The following LRRC53 variants were observed in gnomAD, a reference collection of about 807,000 sequenced individuals.
LRRC53 encodes leucine rich repeat containing 53, also known as leucine-rich repeat-containing protein 53.
In LRRC53, 25 loss-of-function variants were observed where a neutral mutation model predicts 13.6. The ratio of observed to expected loss-of-function variants is 1.83; its 90% confidence interval spans 1.34 to 2.56. LRRC53 has a LOEUF of 2.56. Among genes scored for constraint, LRRC53 ranks in the 30% most tolerant of loss-of-function variants. LRRC53 has a pLI of 0.00. For synonymous variants in LRRC53, 204 were observed against 109.8 expected (o/e 1.86, Z -5.37); for missense variants, 527 against 275.8 (o/e 1.91, Z -6.45).
At chr1:74,524,085 G>T in the LRRC53 span, among the ~76,000 whole-genome samples, 2 of 152,238 alleles carry the variant, frequency 1.3e-5, no homozygotes, top group Non-Finnish European at 1.5e-5. Context: ...CATTTGTCAA[G>T]AGCCTAACTG....
intron 1 of LRRC53, among the ~76,000 whole-genome samples, chr1:74,505,624 C>T (rs181600160): frequency 5.3e-5 from 8 of 152,132 alleles, no homozygotes; most frequent in African/African-American, 1.9e-4. Flanking sequence ...GCAAAAATGG[C>T]ATCGTTCTTC....
At chr1:74,474,873 C>A (rs778973033) in intron 4 of LRRC53, among the ~76,000 whole-genome samples, 7 of 152,008 alleles carry the variant, frequency 4.6e-5, no homozygotes, top group Non-Finnish European at 8.8e-5. Flanking sequence ...AGGGCCCATT[C>A]TTCTAACATG....
chr1:74,518,127 C>G, the LRRC53 span, among the ~76,000 whole-genome samples: 1 of 151,978 alleles, frequency 6.6e-6, no homozygotes, highest in African/African-American at 2.4e-5. Flanking sequence ...CCAGGTAAGT[C>G]AAGAAGAAGC....
chr1:74,518,781 A>G, the LRRC53 span, among the ~76,000 whole-genome samples: 4 of 151,914 alleles, frequency 2.6e-5, no homozygotes, highest in Non-Finnish European at 4.4e-5. Flanking sequence ...TTAAAACAAC[A>G]TTTACAAATA....
intron 3 of LRRC53, among the ~76,000 whole-genome samples, chr1:74,479,113 G>A (rs570894584): frequency 1.3e-5 from 2 of 152,188 alleles, no homozygotes; most frequent in East Asian, 1.9e-4. Context: ...TTTAAAATAC[G>A]TCAGTCTTGG....
chr1:74,522,412 G>C, the LRRC53 span, among the ~76,000 whole-genome samples: 1 of 152,110 alleles, frequency 6.6e-6, no homozygotes, highest in African/African-American at 2.4e-5. Flanking sequence ...TTTCCTTTCA[G>C]CTTGGTGTCT....
At chr1:74,501,005 A>C (rs1375731415) in intron 1 of LRRC53, among the ~76,000 whole-genome samples, 1 of 152,116 alleles carries the variant, frequency 6.6e-6, no homozygotes, top group East Asian at 1.9e-4. Context: ...GAAAATTGAC[A>C]TCTTTCATAA....
rs898518726 is a variant in LRRC53, at chr1:74,480,257, G to T, written c.800C>A (p.Thr267Asn). 1 of 717,416 alleles carries T rather than the reference G, an allele frequency of 1.4e-6. No homozygotes were observed. Among genetic ancestry groups the T allele is most frequent in the African/African-American group, 1.7e-5 (1 of 57,266 alleles). The allele number at this position is 717,416 out of a possible 1,614,324, so 44.4% of individuals were successfully genotyped here. A position where few individuals can be genotyped will look rare whatever the true frequency, so the allele number is the denominator to read the frequency against. ...GTTGGGAGCTTTGGAATCACAGTTG[G>T]TCTCAGACAGCCTCAGCACACTCTG... ...AAQSVLRLSETNCDSKAPNFT... is the reference protein window; with the variant it reads ...AAQSVLRLSENNCDSKAPNFT... The change falls in exon 3 of 5, where the codon ACC (threonine) becomes AAC (asparagine). Residue 267 changes from threonine (T) to asparagine (N), a missense_variant. Transcript: ENST00000294635.
chr1:74,477,849 T>C (rs1181641004), intron 3 of LRRC53, among the ~76,000 whole-genome samples: 2 of 152,214 alleles, frequency 1.3e-5, no homozygotes, highest in Admixed American at 1.3e-4. Context: ...AAAAGTGTTC[T>C]AACAATCTAC....
At position 74,470,401 on chromosome 1, in the gene LRRC53, A is replaced by C. The variant is rs1667864897; in HGVS notation, c.3221T>G (p.Leu1074Arg). The change falls in exon 5 of 5, where the codon CTA becomes CGA. Residue 1074 changes from leucine (L) to arginine (R), a missense_variant. Coordinates refer to ENST00000294635, the MANE Select transcript of LRRC53 (RefSeq NM_001382280.1). ...TTCTTTCCCTACTATTTTTATCTCT[A>C]GTGCTTCAGTGCCGTCATTTCTGGG... ...ALPRNDGTEALEIKIVGKEEK... is the reference protein window; with the variant it reads ...ALPRNDGTEAREIKIVGKEEK... The C allele has an allele frequency of 2.5e-6, 1 of 400,456 alleles. No homozygotes were observed. The highest frequency in any genetic ancestry group is 4.4e-6 in the Non-Finnish European group (1 of 226,194). The allele number at this position is 400,456 out of a possible 1,614,324, so 24.8% of individuals were successfully genotyped here.
At chr1:74,498,354 G>C (rs17095449) in intron 1 of LRRC53, among the ~76,000 whole-genome samples, 16,071 of 152,072 alleles carry the variant, frequency 0.11, 2,267 homozygotes, top group African/African-American at 0.33. Flanking sequence ...ACCCCATCTC[G>C]ATTCATGCCT....
chr1:74,534,115 A>G, the LRRC53 span, among the ~76,000 whole-genome samples: 60 of 152,340 alleles, frequency 3.9e-4, 1 homozygote, highest in East Asian at 0.011. Flanking sequence ...TGAAAGCTAT[A>G]AAGCCTTCTG....
Position 74,479,659 on chromosome 1 carries a change from T to C in LRRC53, c.904+494A>G, listed in dbSNP as rs577015775. Among the ~76,000 whole-genome samples the C allele has an allele frequency of 1.3e-4, 20 of 152,314 alleles. 1 individual carries two copies. In the South Asian group the frequency reaches 4.1e-3, roughly 32 times the overall value. On this transcript the variant is annotated intron_variant, in intron 3 of 4. Coordinates refer to ENST00000294635, the MANE Select transcript of LRRC53 (RefSeq NM_001382280.1). ...TATATGAGATTGCCATAATAGCATC[T>C]CTTCGTCCATCTGTGAAAGCCCTCT...
upstream of LRRC53, among the ~76,000 whole-genome samples, chr1:74,514,259 T>A (rs1013305009): frequency 1.3e-5 from 2 of 152,142 alleles, no homozygotes; most frequent in African/African-American, 4.8e-5. Context: ...CTAGGAGCAA[T>A]TGTTTTAAAG....
At chr1:74,526,461 C>T in the LRRC53 span, among the ~76,000 whole-genome samples, 59 of 152,210 alleles carry the variant, frequency 3.9e-4, no homozygotes, top group Non-Finnish European at 2.2e-4. Flanking sequence ...AATTCAAGTT[C>T]TACGGTTCTT....
At chr1:74,531,527 C>T in the LRRC53 span, among the ~76,000 whole-genome samples, 5 of 152,246 alleles carry the variant, frequency 3.3e-5, no homozygotes, top group Admixed American at 2.0e-4. Context: ...GCATTTACCC[C>T]GTCTGACAGA....
chr1:74,514,393 G>A (rs1646318460), upstream of LRRC53, among the ~76,000 whole-genome samples: 1 of 152,146 alleles, frequency 6.6e-6, no homozygotes, highest in Admixed American at 6.5e-5. Context: ...CTTATCGAGA[G>A]GAAGCATTTA....
intron 3 of LRRC53, among the ~76,000 whole-genome samples, chr1:74,477,733 A>G (rs1201288709): frequency 6.6e-6 from 1 of 152,174 alleles, no homozygotes; most frequent in Non-Finnish European, 1.5e-5. Flanking sequence ...GTCACTTTCC[A>G]TTAGTGCAGA....
intron 1 of LRRC53, among the ~76,000 whole-genome samples, chr1:74,493,477 C>T (rs1215728977): frequency 6.6e-6 from 1 of 152,174 alleles, no homozygotes; most frequent in Non-Finnish European, 1.5e-5. Flanking sequence ...CATTCACATG[C>T]CCCAGTTCCC....
Sources: gnomAD v4.1 joint callset for allele counts (sites outside exome capture counted in the v4.1 genomes callset) on GRCh38, gnomAD v4.1.1 for gene constraint, MANE v1.5 for transcripts, NCBI Gene and HGNC (gene_info 2026-07-23, HGNC 2026-07-21) for gene names.